Variants in SLC12A6 observed in about 807,000 individuals in gnomAD.
SLC12A6 encodes the protein solute carrier family 12 member 6.
Under a neutral mutation model 135.3 loss-of-function variants are expected in SLC12A6, and 66 were observed. The ratio of observed to expected loss-of-function variants is 0.49; its 90% CI spans 0.40 to 0.60. The LOEUF (loss-of-function observed/expected upper bound fraction) is 0.60, where lower values mean the gene tolerates loss of function less well. Ranked by LOEUF, SLC12A6 falls within the 20% of genes least tolerant of loss-of-function variation. SLC12A6 has a pLI of 0.00. For missense variants in SLC12A6, 1,058 were observed against 1,452.3 expected (o/e 0.73, Z 4.41); for synonymous variants, 513 against 508.8 (o/e 1.01, Z -0.11).
intron 2 of SLC12A6, among the ~76,000 whole-genome samples, chr15:34,329,855 T>G (rs1348553697): frequency 6.6e-6 from 1 of 152,216 alleles, no homozygotes; most frequent in Non-Finnish European, 1.5e-5. Context: ...TAGTAAAATG[T>G]ACCTTTTACT....
chr15:34,301,153 G>C (rs963494724), intron 2 of SLC12A6, among the ~76,000 whole-genome samples: 1 of 152,084 alleles, frequency 6.6e-6, no homozygotes, highest in East Asian at 1.9e-4. Context: ...TTTTTTAGTA[G>C]AGACAGGGTT....
At chr15:34,317,788 G>A (rs13380356) in intron 2 of SLC12A6, among the ~76,000 whole-genome samples, 5,971 of 152,166 alleles carry the variant, frequency 0.039, 217 homozygotes, top group African/African-American at 0.099. Flanking sequence ...CGCTGCTCAC[G>A]ATTTACAGAC....
chr15:34,293,694 G>A (rs116711630), intron 2 of SLC12A6, among the ~76,000 whole-genome samples: 4,163 of 152,328 alleles, frequency 0.027, 193 homozygotes, highest in African/African-American at 0.095. Flanking sequence ...AAACCTCCCA[G>A]GTCCAAGTAA....
intron 16 of SLC12A6, among the ~76,000 whole-genome samples, chr15:34,242,802 G>A (rs111745020): frequency 0.022 from 3,374 of 152,112 alleles, 44 homozygotes; most frequent in Middle Eastern, 0.058. Flanking sequence ...AGGCTGAGGC[G>A]GATGGATCAC....
intron 3 of SLC12A6, among the ~76,000 whole-genome samples, chr15:34,273,061 A>G (rs1894069852): frequency 6.6e-6 from 1 of 152,188 alleles, no homozygotes; most frequent in African/African-American, 2.4e-5. Context: ...ATAAAAGTAT[A>G]AAAAAGTGGC....
At chr15:34,289,953 G>A (rs1895397340) in intron 2 of SLC12A6, among the ~76,000 whole-genome samples, 1 of 151,962 alleles carries the variant, frequency 6.6e-6, no homozygotes, top group African/African-American at 2.4e-5. Context: ...TTTTTTTAAG[G>A]GATTTTGTGT....
chr15:34,332,816 G>A (rs778961050), intron 2 of SLC12A6, among the ~76,000 whole-genome samples: 1 of 151,834 alleles, frequency 6.6e-6, no homozygotes, highest in Non-Finnish European at 1.5e-5. Flanking sequence ...AAAAGTATTA[G>A]GTCCTGCAAA....
At chr15:34,261,765 T>C (rs1048773541) in intron 3 of SLC12A6, among the ~76,000 whole-genome samples, 1 of 152,250 alleles carries the variant, frequency 6.6e-6, no homozygotes, top group Admixed American at 6.5e-5. Context: ...TTATAAATTA[T>C]ATGAAGTTTT....
At chr15:34,327,461 T>TC (rs1889546478) in intron 2 of SLC12A6, among the ~76,000 whole-genome samples, 1 of 151,998 alleles carries the variant, frequency 6.6e-6, no homozygotes, top group Admixed American at 6.6e-5. Context: ...GGTCAAGAGT[T>TC]CGAGACCTAA....
At chr15:34,336,373 G>C in intron 2 of SLC12A6, 37 bp downstream of exon 2, 1 of 1,545,356 alleles carries the variant, frequency 6.5e-7, no homozygotes, top group South Asian at 1.1e-5. Flanking sequence ...AAAGAACCCA[G>C]TAATGAAAGT....
At chr15:34,289,440 ATTC>A (rs1555386042) in intron 2 of SLC12A6, among the ~76,000 whole-genome samples, 1 of 115,032 alleles carries the variant, frequency 8.7e-6, no homozygotes, top group African/African-American at 5.6e-5. Flanking sequence ...TTGGTCTAAA[ATTC>A]TTTTTTGTTG....
At chr15:34,308,240 A>T (rs1887871858) in intron 2 of SLC12A6, among the ~76,000 whole-genome samples, 2 of 152,146 alleles carry the variant, frequency 1.3e-5, no homozygotes, top group Admixed American at 6.5e-5. Flanking sequence ...AGACTGGTAC[A>T]AGTCTCCTGC....
intron 18 of SLC12A6, 22 bp downstream of exon 18, chr15:34,241,211 C>G: frequency 8.4e-7 from 1 of 1,187,538 alleles, no homozygotes; most frequent in Non-Finnish European, 1.3e-6. Context: ...GTGCCAAATA[C>G]TGCTAGTGTT....
intron 3 of SLC12A6, among the ~76,000 whole-genome samples, chr15:34,268,137 A>G (rs1173177183): frequency 6.6e-6 from 1 of 152,180 alleles, no homozygotes; most frequent in East Asian, 1.9e-4. Context: ...TAACCTTACA[A>G]TGATGCTGTT....
chr15:34,312,746 C>A (rs1222096561), intron 2 of SLC12A6, among the ~76,000 whole-genome samples: 1 of 152,176 alleles, frequency 6.6e-6, no homozygotes, highest in East Asian at 1.9e-4. Flanking sequence ...AATTTAAAGT[C>A]TGTGGCAACC....
chr15:34,258,957 T>G lies in SLC12A6; in HGVS notation c.412-13A>C, dbSNP rs779964220. 3.1e-6 allele frequency: 5 copies of G among 1,604,176 alleles called. No individual in the cohort carries two copies. The highest frequency in any genetic ancestry group is 2.7e-5 in the African/African-American group (2 of 74,824). On this transcript the variant is annotated splice_polypyrimidine_tract_variant and intron_variant, in intron 4 of 25. Transcript: ENST00000354181. ...TGTCCATTTCTTCCTATAAAGCCAG[T>G]GACATGGAAGAAATGAGCTACAAAG...
intron 19 of SLC12A6, 124 bp downstream of exon 19, chr15:34,240,537 A>C (rs968719266): frequency 1.3e-5 from 11 of 827,148 alleles, no homozygotes; most frequent in African/African-American, 1.0e-4. Flanking sequence ...TTCAAAGGTC[A>C]GCACTAAGTG....
intron 3 of SLC12A6, among the ~76,000 whole-genome samples, chr15:34,261,268 G>A (rs1595453242): frequency 1.3e-5 from 2 of 152,036 alleles, no homozygotes; most frequent in East Asian, 3.8e-4. Context: ...AAGACCCCTA[G>A]AGACGCTATT....
At position 34,236,282 on chromosome 15, in the gene SLC12A6, T is replaced by C. The variant is rs527283767; in HGVS notation, c.3043-83A>G. On this transcript the variant is annotated intron_variant, in intron 23 of 25. Coordinates refer to ENST00000354181, the MANE Select transcript of SLC12A6 (RefSeq NM_001365088.1). ...TTGGTTATTTTGAAGCAGTAATGGG[T>C]TATAGTGGAATAACTGACAGAGTGA... 111 of 950,788 alleles carry C rather than the reference T, an allele frequency of 1.2e-4. No individual in the cohort carries two copies. In the African/African-American group the frequency reaches 1.7e-3, roughly 14 times the overall value. The allele number at this position is 950,788 out of a possible 1,614,324, so 58.9% of individuals were successfully genotyped here.
Sources: gnomAD v4.1 joint callset for allele counts (sites outside exome capture counted in the v4.1 genomes callset) on GRCh38, gnomAD v4.1.1 for gene constraint, MANE v1.5 for transcripts, NCBI Gene and HGNC (gene_info 2026-07-23, HGNC 2026-07-21) for gene names.